The following ANKRD28 variants were observed in gnomAD, a reference collection of about 807,000 sequenced individuals.
ANKRD28 encodes serine/threonine-protein phosphatase 6 regulatory ankyrin repeat subunit A.
ANKRD28 carries 44 observed loss-of-function variants against 126.5 expected under a neutral mutation model. The ratio of observed to expected loss-of-function variants is 0.35; its 90% CI spans 0.27 to 0.45. The LOEUF is 0.45. ANKRD28 is among the 20% of genes least tolerant of loss of function. The pLI, the probability that ANKRD28 is intolerant of heterozygous loss-of-function variation, is 1.00. For synonymous variants in ANKRD28, 442 were observed against 468.5 expected (o/e 0.94, Z 0.73); for missense variants, 1,110 against 1,316.6 (o/e 0.84, Z 2.43).
intron 23 of ANKRD28, 85 bp downstream of exon 23, chr3:15,679,216 C>T: frequency 7.7e-7 from 1 of 1,302,812 alleles, no homozygotes; most frequent in Non-Finnish European, 1.1e-6. Context: ...GTCATCCTCC[C>T]ACTTCAGCCT....
intron 6 of ANKRD28, among the ~76,000 whole-genome samples, chr3:15,727,058 T>C (rs1181291273): frequency 6.6e-6 from 1 of 152,204 alleles, no homozygotes; most frequent in African/African-American, 2.4e-5. Context: ...TTATTCACAA[T>C]GTACTTGGCC....
intron 4 of ANKRD28, among the ~76,000 whole-genome samples, chr3:15,740,235 T>A (rs1222438040): frequency 6.6e-6 from 1 of 152,300 alleles, no homozygotes; most frequent in East Asian, 1.9e-4. Flanking sequence ...CAGGGAAGAC[T>A]GAAAACGGAC....
At chr3:15,677,607 T>C in intron 24 of ANKRD28, 45 bp from the exon 25 acceptor site, 1 of 1,422,682 alleles carries the variant, frequency 7.0e-7, no homozygotes, top group Non-Finnish European at 9.9e-7. Flanking sequence ...TGAACATGTT[T>C]CTTAGATTAC....
rs919334162 is a variant in ANKRD28 at position 15,814,206 on chromosome 3, T to A, written c.28-18900A>T. The A allele has an allele frequency of 8.7e-7, 1 of 1,150,288 alleles. No individual in the cohort carries two copies. Among genetic ancestry groups the A allele is most frequent in the African/African-American group, 1.6e-5 (1 of 61,088 alleles). The allele number at this position is 1,150,288 out of a possible 1,614,324, so 71.3% of individuals were successfully genotyped here. ...ACTAACAAATTACAAGAGCTGCCTA[T>A]ATTACTGCAAGAGACTACTAGAAAA... On this transcript the variant is annotated intron_variant, in intron 1 of 27. Coordinates refer to the ANKRD28 transcript ENST00000399451. This position sits in a 1 kb window ranked among gnomAD's most constrained non-coding sequence, Gnocchi z 4.7.
chr3:15,850,224 T>TATATAGAGAGAGAGAGAGAGAG (rs1418223588), intron 1 of ANKRD28, among the ~76,000 whole-genome samples: 4 of 35,116 alleles, frequency 1.1e-4, no homozygotes, highest in Non-Finnish European at 1.8e-4. Flanking sequence ...TATATATATA[T>TATATAGAGAGAGAGAGAGAGAG]AGAGAGAGAG....
At chr3:15,780,113 T>C (rs913046624) in intron 2 of ANKRD28, among the ~76,000 whole-genome samples, 1 of 151,916 alleles carries the variant, frequency 6.6e-6, no homozygotes, top group Admixed American at 6.6e-5. Flanking sequence ...GGCATCCTAA[T>C]AAAAAAGAAA....
chr3:15,786,068 G>A (rs1477585140), intron 2 of ANKRD28, among the ~76,000 whole-genome samples: 1 of 152,044 alleles, frequency 6.6e-6, no homozygotes, highest in Non-Finnish European at 1.5e-5. Context: ...GGATACGGCA[G>A]TGAAACTACT....
intron 1 of ANKRD28, among the ~76,000 whole-genome samples, chr3:15,857,966 A>G (rs987553863): frequency 2.6e-5 from 4 of 152,232 alleles, no homozygotes; most frequent in African/African-American, 9.6e-5. Context: ...TCACACTGTT[A>G]AGAGTATAAG....
Position 15,695,190 on chromosome 3 carries a change from C to T in ANKRD28, c.1684G>A (p.Val562Ile). The part of the protein sequence containing the change: ...QLIASETPLD[V>I]LMETSGTDML... ...GGAGGGAATTGACTAATACTTACAACATCTAGAGGAGTTTCACTTGCAATC... is the reference window on the plus strand; with the variant it reads ...GGAGGGAATTGACTAATACTTACAATATCTAGAGGAGTTTCACTTGCAATC... The change falls in exon 16 of 28, where the codon GTT becomes ATT. Residue 562 changes from valine to isoleucine, a missense_variant and splice_region_variant. Physicochemically the swap from Val to Ile is conservative, Grantham distance 29. Transcript: ENST00000683139. 1 of 1,595,452 alleles carries T rather than the reference C, an allele frequency of 6.3e-7. No individual in the cohort carries two copies. The highest frequency in any genetic ancestry group is 1.1e-5 in the South Asian group (1 of 88,076).
At chr3:15,767,402 T>C (rs1240670566) in intron 2 of ANKRD28, among the ~76,000 whole-genome samples, 1 of 152,170 alleles carries the variant, frequency 6.6e-6, no homozygotes, top group East Asian at 1.9e-4. Context: ...TTTTCCACTA[T>C]GTTCTTCCTT....
Position 15,696,204 on chromosome 3 carries a change from A to T in ANKRD28, c.1589T>A (p.Ile530Asn), listed in dbSNP as rs1477757295. The change falls in exon 15 of 28, where the codon ATC becomes AAC. Residue 530 changes from isoleucine (I) to asparagine (N), a missense_variant. Transcript: ENST00000683139. ...TGCGTTGTATCCTTGCTTATCACGG[A>T]TCCCTGGATTTGCATCGTTTCTTAA... ...YLLRNDANPG[I>N]RDKQGYNAVH... 1 of 1,592,474 alleles carries T rather than the reference A, an allele frequency of 6.3e-7. No individual in the cohort carries two copies. The highest frequency in any genetic ancestry group is 1.1e-5 in the South Asian group (1 of 87,832).
At chr3:15,828,974 T>C (rs1298401606) in intron 1 of ANKRD28, among the ~76,000 whole-genome samples, 1 of 152,200 alleles carries the variant, frequency 6.6e-6, no homozygotes, top group Non-Finnish European at 1.5e-5. Flanking sequence ...TCCTAGCCTG[T>C]AGTAACCATA....
chr3:15,754,692 A>G (rs1176314797), intron 3 of ANKRD28, among the ~76,000 whole-genome samples: 1 of 152,074 alleles, frequency 6.6e-6, no homozygotes. Context: ...GCATAAAGAA[A>G]CCCTACAGGA....
At position 15,766,165 on chromosome 3, in the gene ANKRD28, A is replaced by C. The variant is rs1050884891; in HGVS notation, c.280+69T>G. 4 of 1,235,718 alleles carry C rather than the reference A, an allele frequency of 3.2e-6. No homozygotes were observed. The African/African-American group carries it at 6.0e-5, about 19-fold the overall frequency. 76.5% of individuals were successfully genotyped at this position (1,235,718 alleles called of 1,614,324 possible). ...CAGGCCATGCAGTAAATAGTCAATT[A>C]TGATTGAGAAACATTAAGAATAACA... On this transcript the variant is annotated intron_variant, in intron 3 of 27. Transcript: ENST00000683139.
At chr3:15,721,937 G>T (rs1356972109) in intron 7 of ANKRD28, among the ~76,000 whole-genome samples, 1 of 152,134 alleles carries the variant, frequency 6.6e-6, no homozygotes, top group Non-Finnish European at 1.5e-5. Context: ...TAGAGACGGG[G>T]TGTCACCATG....
At chr3:15,786,590 TAC>T (rs1283315132) in intron 2 of ANKRD28, among the ~76,000 whole-genome samples, 2 of 152,128 alleles carry the variant, frequency 1.3e-5, no homozygotes, top group Non-Finnish European at 2.9e-5. Context: ...TATGAAATTT[TAC>T]ACTTTATATA....
At chr3:15,679,422 G>A in intron 22 of ANKRD28, 38 bp from the exon 23 acceptor site, 1 of 1,612,050 alleles carries the variant, frequency 6.2e-7, no homozygotes. Context: ...TCACAGCAAT[G>A]GTGTATTTCT....
At chr3:15,836,825 C>T (rs1370319386) in intron 1 of ANKRD28, among the ~76,000 whole-genome samples, 2 of 151,924 alleles carry the variant, frequency 1.3e-5, no homozygotes, top group Non-Finnish European at 2.9e-5. Flanking sequence ...GCCTGTAATC[C>T]CAGCTCACAC....
intron 1 of ANKRD28, among the ~76,000 whole-genome samples, chr3:15,837,711 T>C (rs529424148): frequency 1.3e-5 from 2 of 151,962 alleles, no homozygotes; most frequent in African/African-American, 4.8e-5. Flanking sequence ...CAAGTGAGCT[T>C]CAACCTTAAG....
Sources: gnomAD v4.1 joint callset for allele counts (sites outside exome capture counted in the v4.1 genomes callset) on GRCh38, gnomAD v4.1.1 for gene constraint, Gnocchi (gnomAD v3.1) non-coding constraint, MANE v1.5 for transcripts, NCBI Gene and HGNC (gene_info 2026-07-23, HGNC 2026-07-21) for gene names.